The following VPS8 variants were observed in gnomAD, a reference collection of about 807,000 sequenced individuals.
The protein encoded by VPS8 is vacuolar protein sorting-associated protein 8 homolog.
In VPS8, 129 loss-of-function variants were observed where a neutral mutation model predicts 216.4. The observed-to-expected ratio is 0.60, with a 90% CI of 0.52 to 0.69. The LOEUF (loss-of-function observed/expected upper bound fraction) is 0.69. Among genes scored for constraint, VPS8 ranks in the 30% least tolerant of loss-of-function variants. The pLI is 0.00. For missense variants in VPS8, 1,531 were observed against 1,683.5 expected (o/e 0.91, Z 1.59); for synonymous variants, 571 against 565.4 (o/e 1.01, Z -0.14).
At chr3:184,998,479 TTA>T (rs10530534) in intron 44 of VPS8, among the ~76,000 whole-genome samples, 2 of 135,018 alleles carry the variant, frequency 1.5e-5, no homozygotes, top group African/African-American at 6.0e-5. Flanking sequence ...AAGAGGAAGT[TTA>T]TATATATATA....
chr3:185,040,992 C>T (rs6790919), intron 46 of VPS8, among the ~76,000 whole-genome samples: 2,065 of 152,226 alleles, frequency 0.014, 42 homozygotes, highest in African/African-American at 0.047. Flanking sequence ...TACCTGAGGT[C>T]AGGAGTTCGA....
rs1419500541 is a variant in VPS8 at position 184,915,426 on chromosome 3, G to T, written c.2334G>T (p.Arg778=). The T allele has an allele frequency of 1.2e-6, 2 of 1,613,872 alleles. No homozygotes were observed. Among genetic ancestry groups the T allele is most frequent in the Non-Finnish European group, 1.7e-6 (2 of 1,179,814 alleles). The change falls in exon 28 of 48, where the codon CGG becomes CGT. Residue 778 remains arginine, a synonymous_variant. Transcript: ENST00000625842. Reference sequence around the variant, plus strand: ...AGGAAGAAATCTATCCTTACATTCGGACTTTGCTACATTTTGACACAAGAG... The same window carrying T: ...AGGAAGAAATCTATCCTTACATTCGTACTTTGCTACATTTTGACACAAGAG... The part of the protein sequence containing the change: ...SPEEEIYPYI[R]TLLHFDTREF...
chr3:184,911,762 T>C (rs1736575913), intron 25 of VPS8, among the ~76,000 whole-genome samples: 1 of 152,168 alleles, frequency 6.6e-6, no homozygotes, highest in African/African-American at 2.4e-5. Flanking sequence ...GCCCCCTTGA[T>C]TTACAAGACA....
At chr3:185,032,857 C>T (rs185328010) in intron 46 of VPS8, among the ~76,000 whole-genome samples, 5 of 152,140 alleles carry the variant, frequency 3.3e-5, no homozygotes, top group South Asian at 2.1e-4. Context: ...TTAGTAGAGA[C>T]GGGGTTTCAC....
intron 46 of VPS8, among the ~76,000 whole-genome samples, chr3:185,030,537 G>A (rs1577221171): frequency 6.6e-6 from 1 of 152,208 alleles, no homozygotes; most frequent in Non-Finnish European, 1.5e-5. Flanking sequence ...GAATGAGAGA[G>A]TGGAAAGCCT....
At chr3:184,884,559 C>T (rs934945874) in intron 21 of VPS8, among the ~76,000 whole-genome samples, 2 of 152,184 alleles carry the variant, frequency 1.3e-5, no homozygotes, top group Admixed American at 6.5e-5. Context: ...TATAAATTTA[C>T]CCCCTCTGAG....
intron 33 of VPS8, 129 bp from the exon 34 acceptor site, chr3:184,930,341 C>T: frequency 1.8e-6 from 1 of 556,620 alleles, no homozygotes; most frequent in East Asian, 2.9e-5. Context: ...ACAGAGTTTT[C>T]CATCAGTTAA....
intron 44 of VPS8, among the ~76,000 whole-genome samples, chr3:184,999,064 T>G (rs867084669): frequency 9.1e-5 from 13 of 143,232 alleles, no homozygotes; most frequent in African/African-American, 1.0e-4. Context: ...TGGTTTTTGG[T>G]TTTTTTTTTT....
At chr3:184,914,522 G>T (rs369337817) in intron 26 of VPS8, among the ~76,000 whole-genome samples, 2 of 152,134 alleles carry the variant, frequency 1.3e-5, no homozygotes, top group Non-Finnish European at 2.9e-5. Context: ...TTGTCCTGTC[G>T]CAGACTTCCC....
intron 21 of VPS8, among the ~76,000 whole-genome samples, chr3:184,883,502 G>A (rs1730634811): frequency 6.6e-6 from 1 of 152,082 alleles, no homozygotes; most frequent in Non-Finnish European, 1.5e-5. Flanking sequence ...CAGAAACCTA[G>A]GAATTATAGA....
chr3:184,929,613 A>G lies in VPS8; in HGVS notation c.2748A>G (p.Glu916=). 6.5e-7 allele frequency: 1 copy of G among 1,538,900 alleles called. No individual in the cohort carries two copies. The highest frequency in any genetic ancestry group is 8.8e-7 in the Non-Finnish European group (1 of 1,138,496). Residue 916 remains glutamate (E), a synonymous_variant, in exon 33 of 48, where the codon GAA becomes GAG. Coordinates refer to ENST00000625842, the MANE Select transcript of VPS8 (RefSeq NM_001009921.3). The part of the protein sequence containing the change: ...YQICEFMYER[E]HQYDKIIDCY... ...TTTGTGAATTTATGTATGAAAGAGA[A>G]CACCAATATGATAAAATTATTGATT...
At chr3:184,862,603 T>C (rs1303153004) in intron 15 of VPS8, among the ~76,000 whole-genome samples, 1 of 152,240 alleles carries the variant, frequency 6.6e-6, no homozygotes, top group African/African-American at 2.4e-5. Flanking sequence ...TTTGTGCCAA[T>C]TGCTTTAAAA....
At chr3:184,826,140 C>A in intron 2 of VPS8, 23 bp from the exon 3 acceptor site, 2 of 1,561,104 alleles carry the variant, frequency 1.3e-6, no homozygotes, top group Non-Finnish European at 8.7e-7. Flanking sequence ...ATTTTGTGAG[C>A]ACTATTTTTT....
intron 44 of VPS8, among the ~76,000 whole-genome samples, chr3:184,998,258 G>A (rs1179510064): frequency 6.6e-6 from 1 of 152,144 alleles, no homozygotes; most frequent in East Asian, 1.9e-4. Context: ...TCTGACTGCT[G>A]TGTTAAGAAA....
In VPS8 at chr3:184,989,832, G is replaced by C. The variant is rs1343437191; in HGVS notation, c.3586-4151G>C. On this transcript the variant is annotated intron_variant, in intron 42 of 47. Coordinates refer to ENST00000625842, the MANE Select transcript of VPS8 (RefSeq NM_001009921.3). The stretch of plus-strand genomic sequence containing the variant: ...TCACACCTATAATCCCAGCACTTTG[G>C]GAGGCCGAGGCGGGCAGATCACGAG... Among the ~76,000 whole-genome samples the C allele has an allele frequency of 3.9e-5, 6 of 152,118 alleles. No homozygotes were observed. In the East Asian group the frequency reaches 5.8e-4, roughly 15 times the overall value.
intron 46 of VPS8, among the ~76,000 whole-genome samples, chr3:185,027,442 C>A (rs867320426): frequency 2.4e-4 from 36 of 151,820 alleles, no homozygotes; most frequent in Middle Eastern, 6.8e-3. Flanking sequence ...CGGGGTTTCA[C>A]TGTGTTAGCC....
At chr3:184,993,694 A>AT (rs1463689164) in intron 42 of VPS8, among the ~76,000 whole-genome samples, 3 of 152,190 alleles carry the variant, frequency 2.0e-5, no homozygotes, top group Non-Finnish European at 4.4e-5. Flanking sequence ...TTGCTGTTTT[A>AT]TATGAAGGAG....
Position 185,035,102 on chromosome 3 carries a change from T to TA in VPS8, c.4056+10720dup, listed in dbSNP as rs139576414. Reference sequence around the variant, plus strand: ...ATCAAGCTCTAAAATGAATCAGTAATAAAAAAACCCACCAACCAAAAAAAG... The same window carrying TA: ...ATCAAGCTCTAAAATGAATCAGTAATAAAAAAAACCCACCAACCAAAAAAAG... On this transcript the variant is annotated intron_variant, in intron 46 of 47. Transcript: ENST00000625842. Among the ~76,000 whole-genome samples, 30 of 152,012 alleles carry TA rather than the reference T, an allele frequency of 2.0e-4. 1 individual carries two copies. Among genetic ancestry groups the TA allele is most frequent in the South Asian group, 8.3e-4 (4 of 4,816 alleles).
chr3:184,841,672 C>T (rs1349163889), intron 7 of VPS8, among the ~76,000 whole-genome samples: 3 of 152,158 alleles, frequency 2.0e-5, no homozygotes, highest in Admixed American at 2.0e-4. Context: ...GCTCTCCTAT[C>T]AGGTGTTCAG....
Sources: allele counts gnomAD v4.1 joint callset (sites outside exome capture counted in the v4.1 genomes callset), GRCh38; gene constraint gnomAD v4.1.1; transcripts MANE v1.5; gene names NCBI Gene and HGNC (gene_info 2026-07-23, HGNC 2026-07-21).